SEM1: variants seen among roughly 807,000 people sequenced by gnomAD.
SEM1 encodes the protein SEM1 26S proteasome subunit, also known as 26S proteasome complex subunit SEM1.
Under a neutral mutation model 12.7 loss-of-function variants are expected in SEM1, and 3 were observed. That is an observed-to-expected ratio of 0.24 (90% CI 0.11 to 0.61). The LOEUF is 0.61. Ranked by LOEUF, SEM1 falls within the 20% of genes least tolerant of loss-of-function variation. SEM1 has a pLI of 0.88. For missense variants in SEM1, 59 were observed against 81.3 expected (o/e 0.73, Z 1.06); for synonymous variants, 30 against 27.8 (o/e 1.08, Z -0.25).
intron 2 of SEM1, chr7:96,650,432 C>T: frequency 1.4e-6 from 1 of 722,152 alleles, no homozygotes; most frequent in South Asian, 1.5e-5. Context: ...GCACCTCGCC[C>T]AATGTGTCCT....
intron 2 of SEM1, among the ~76,000 whole-genome samples, chr7:96,661,165 C>T (rs1327262751): frequency 6.6e-6 from 1 of 152,086 alleles, no homozygotes. Flanking sequence ...CAGTAAATAG[C>T]AGGATTCACA....
In SEM1 at chr7:96,694,107, T is replaced by A. The variant is rs566886630; in HGVS notation, c.170+691A>T. The stretch of plus-strand genomic sequence containing the variant: ...AGGTACGCACGCAAGGTCACAATAT[T>A]GTATGATTTCATTTATATGAAGCTT... On this transcript the variant is annotated intron_variant, in intron 2 of 2. Transcript: ENST00000248566. Among the ~76,000 whole-genome samples the A allele has an allele frequency of 2.0e-4, 30 of 152,036 alleles. No individual in the cohort carries two copies. The South Asian group carries it at 6.0e-3, about 30-fold the overall frequency.
intron 2 of SEM1, among the ~76,000 whole-genome samples, chr7:96,578,876 C>T (rs892225184): frequency 6.6e-6 from 1 of 152,080 alleles, no homozygotes; most frequent in South Asian, 2.1e-4. Context: ...GCTTTGTTCT[C>T]TATTTATTGT....
At chr7:96,485,603 T>A (rs905230493) in intron 2 of SEM1, among the ~76,000 whole-genome samples, 2 of 132,444 alleles carry the variant, frequency 1.5e-5, no homozygotes, top group African/African-American at 5.9e-5. Flanking sequence ...AGTGCAGTGG[T>A]GCGATCTCGG....
intron 2 of SEM1, among the ~76,000 whole-genome samples, chr7:96,578,002 T>C (rs1389286922): frequency 2.0e-5 from 3 of 152,082 alleles, no homozygotes; most frequent in Non-Finnish European, 4.4e-5. Context: ...AGTAAAAGAC[T>C]ATGAAAAATG....
chr7:96,607,695 G>A (rs1807423435), intron 2 of SEM1, among the ~76,000 whole-genome samples: 1 of 152,156 alleles, frequency 6.6e-6, no homozygotes, highest in African/African-American at 2.4e-5. Flanking sequence ...AGCTGGTCAT[G>A]GAGATACTCT....
chr7:96,642,197 A>G (rs1808636240), intron 2 of SEM1, among the ~76,000 whole-genome samples: 1 of 152,050 alleles, frequency 6.6e-6, no homozygotes. Flanking sequence ...TTTATTGAAC[A>G]GCAGTTCCTA....
intron 2 of SEM1, among the ~76,000 whole-genome samples, chr7:96,555,160 A>G (rs557399570): frequency 9.7e-6 from 1 of 102,638 alleles, no homozygotes; most frequent in African/African-American, 2.5e-5. Context: ...TCCTGGATTC[A>G]TTAATTTTTT....
At chr7:96,529,778 T>C (rs1292448267) in intron 2 of SEM1, among the ~76,000 whole-genome samples, 1 of 152,158 alleles carries the variant, frequency 6.6e-6, no homozygotes, top group Non-Finnish European at 1.5e-5. Flanking sequence ...TAAAATGTTT[T>C]TCATGTATAG....
At chr7:96,655,804 T>C (rs1809162793) in intron 2 of SEM1, among the ~76,000 whole-genome samples, 1 of 152,212 alleles carries the variant, frequency 6.6e-6, no homozygotes, top group South Asian at 2.1e-4. Context: ...TCTTTTCCAT[T>C]TTGTCATTTC....
At position 96,699,245 on chromosome 7, in the gene SEM1, T is replaced by C. The variant is rs182904207; in HGVS notation, c.77-4354A>G. Among the ~76,000 whole-genome samples the C allele has an allele frequency of 5.3e-5, 8 of 152,298 alleles. No homozygotes were observed. In the East Asian group the frequency reaches 1.5e-3, roughly 29 times the overall value. Reference sequence around the variant, plus strand: ...TCATCACTTCTACCTCCCTTACTGTTGTGGCATCATTCTCTTCACTTCATT... The same window carrying C: ...TCATCACTTCTACCTCCCTTACTGTCGTGGCATCATTCTCTTCACTTCATT... On this transcript the variant is annotated intron_variant, in intron 1 of 2. Transcript: ENST00000248566.
At chr7:96,580,831 A>G (rs1163228497) in intron 2 of SEM1, among the ~76,000 whole-genome samples, 3 of 151,902 alleles carry the variant, frequency 2.0e-5, no homozygotes, top group South Asian at 2.1e-4. Context: ...GTTTTTTCTC[A>G]TAAATTTGTT....
At chr7:96,511,501 G>A (rs1803932830) in intron 2 of SEM1, among the ~76,000 whole-genome samples, 1 of 152,054 alleles carries the variant, frequency 6.6e-6, no homozygotes, top group African/African-American at 2.4e-5. Flanking sequence ...AAGAATGCAT[G>A]GTGTTTGTCC....
intron 2 of SEM1, among the ~76,000 whole-genome samples, chr7:96,628,595 C>G (rs1328634633): frequency 6.6e-6 from 1 of 152,094 alleles, no homozygotes; most frequent in East Asian, 1.9e-4. Context: ...TACTATACTG[C>G]CTATGTCTTA....
intron 2 of SEM1, among the ~76,000 whole-genome samples, chr7:96,643,717 A>G (rs940099194): frequency 1.5e-4 from 23 of 152,200 alleles, no homozygotes; most frequent in African/African-American, 5.1e-4. Flanking sequence ...AGAAAACCAA[A>G]CACCGCATGT....
rs555593819 is a variant in SEM1 at position 96,573,422 on chromosome 7, A to G, written c.171-66724T>C. ...GCTGGTACCGGTTGTTCCTTTCCAT[A>G]TTTAGTGCTTCCTTCAGGAGCTCTT... is the stretch of plus-strand genomic sequence containing the variant. On this transcript the variant is annotated intron_variant and NMD_transcript_variant, in intron 2 of 3. Coordinates refer to the SEM1 transcript ENST00000466986. Among the ~76,000 whole-genome samples, 268 of 152,218 alleles carry G rather than the reference A, an allele frequency of 1.8e-3. 1 individual carries two copies. Among genetic ancestry groups the G allele is most frequent in the Non-Finnish European group, 3.5e-3 (241 of 68,010 alleles).
intron 2 of SEM1, among the ~76,000 whole-genome samples, chr7:96,588,432 C>A (rs1806726056): frequency 6.6e-6 from 1 of 150,470 alleles, no homozygotes. Context: ...AAAGGTATAT[C>A]ATTTTGGGAA....
chr7:96,685,391 T>C (rs1038750495), downstream of SEM1, among the ~76,000 whole-genome samples: 3 of 152,154 alleles, frequency 2.0e-5, no homozygotes, highest in African/African-American at 7.2e-5. Context: ...CATTTATGTC[T>C]GTATCAATAA....
chr7:96,706,601 A>G (rs936765342), intron 1 of SEM1, among the ~76,000 whole-genome samples: 2 of 148,024 alleles, frequency 1.4e-5, no homozygotes, highest in Non-Finnish European at 1.5e-5. Flanking sequence ...AAAAAGAGAG[A>G]GAGAAGAAAC....
Sources: gnomAD v4.1 joint callset for allele counts (sites outside exome capture counted in the v4.1 genomes callset) on GRCh38, gnomAD v4.1.1 for gene constraint, MANE v1.5 for transcripts, NCBI Gene and HGNC (gene_info 2026-07-23, HGNC 2026-07-21) for gene names.